The following VTI1A variants were observed in gnomAD, a reference collection of about 807,000 sequenced individuals.
The protein encoded by VTI1A is vesicle transport through interaction with t-SNAREs homolog 1A.
A neutral mutation model predicts 34.9 loss-of-function variants in VTI1A; 22 were observed. The ratio of observed to expected loss-of-function variants is 0.63; its 90% confidence interval spans 0.45 to 0.90. The LOEUF (loss-of-function observed/expected upper bound fraction) is 0.90, where lower values mean the gene tolerates loss of function less well. Ranked by LOEUF, VTI1A falls within the 40% of genes least tolerant of loss-of-function variation. VTI1A has a pLI of 0.00. For synonymous variants in VTI1A, 87 were observed against 97.3 expected (o/e 0.89, Z 0.62); for missense variants, 268 against 275.6 (o/e 0.97, Z 0.20).
At chr10:112,502,708 T>A (rs1849287225) in intron 3 of VTI1A, among the ~76,000 whole-genome samples, 1 of 152,220 alleles carries the variant, frequency 6.6e-6, no homozygotes, top group Non-Finnish European at 1.5e-5. Context: ...TAGTGTTGGC[T>A]CTAGCCACTG....
chr10:112,666,392 A>G (rs534595200), intron 5 of VTI1A, among the ~76,000 whole-genome samples: 1 of 152,272 alleles, frequency 6.6e-6, no homozygotes, highest in East Asian at 1.9e-4. Flanking sequence ...GCTTTTTCTG[A>G]TGTGCTTTGA....
chr10:112,518,583 CTCTCTCTATATA>C (rs756624408), intron 3 of VTI1A, among the ~76,000 whole-genome samples: 41 of 83,208 alleles, frequency 4.9e-4, no homozygotes, highest in Non-Finnish European at 7.0e-4. Flanking sequence ...CTCTCTCTCT[CTCTCTCTATATA>C]TATATATATA....
At chr10:112,561,067 CA>C (rs879766280) in intron 5 of VTI1A, among the ~76,000 whole-genome samples, 14 of 151,614 alleles carry the variant, frequency 9.2e-5, no homozygotes, top group East Asian at 3.9e-4. Flanking sequence ...GTGGTTCTCT[CA>C]AAAAAAATAT....
chr10:112,793,116 T>C (rs1436227392), intron 7 of VTI1A, among the ~76,000 whole-genome samples: 3 of 152,190 alleles, frequency 2.0e-5, no homozygotes, highest in Non-Finnish European at 4.4e-5. Flanking sequence ...GAAGCCAGTG[T>C]TATTTGATAT....
intron 7 of VTI1A, among the ~76,000 whole-genome samples, chr10:112,780,989 T>G (rs757376144): frequency 6.6e-6 from 1 of 152,172 alleles, no homozygotes; most frequent in Non-Finnish European, 1.5e-5. Flanking sequence ...TGACGAAGTC[T>G]CGCTCTGTTG....
At chr10:112,574,814 T>C (rs1288776579) in intron 5 of VTI1A, among the ~76,000 whole-genome samples, 2 of 152,360 alleles carry the variant, frequency 1.3e-5, no homozygotes, top group African/African-American at 4.8e-5. Flanking sequence ...GGTCTAATTA[T>C]GTGTTTACCC....
At chr10:112,577,313 A>G (rs1472554632) in intron 5 of VTI1A, among the ~76,000 whole-genome samples, 1 of 152,204 alleles carries the variant, frequency 6.6e-6, no homozygotes, top group Non-Finnish European at 1.5e-5. Flanking sequence ...TTTTCTATCA[A>G]CCAACTTTAA....
chr10:112,486,023 T>C (rs1396664687), intron 3 of VTI1A, among the ~76,000 whole-genome samples: 1 of 152,210 alleles, frequency 6.6e-6, no homozygotes, highest in Non-Finnish European at 1.5e-5. Flanking sequence ...ACAAAGTACT[T>C]TGGGTTAATA....
chr10:112,599,926 G>A (rs1342174705), intron 5 of VTI1A, among the ~76,000 whole-genome samples: 1 of 152,072 alleles, frequency 6.6e-6, no homozygotes, highest in Non-Finnish European at 1.5e-5. Flanking sequence ...TTCCAACTCC[G>A]GGCAACTCAG....
At chr10:112,657,767 A>G (rs900864806) in intron 5 of VTI1A, among the ~76,000 whole-genome samples, 1 of 152,134 alleles carries the variant, frequency 6.6e-6, no homozygotes, top group African/African-American at 2.4e-5. Context: ...AGACTTTATG[A>G]AAGTTAAAAA....
chr10:112,535,405 C>T (rs1850582709), intron 4 of VTI1A, among the ~76,000 whole-genome samples: 1 of 152,134 alleles, frequency 6.6e-6, no homozygotes. Context: ...ATGTTACCCC[C>T]ATGTTTCTTA....
At chr10:112,573,933 T>C (rs1428451579) in intron 5 of VTI1A, among the ~76,000 whole-genome samples, 3 of 152,212 alleles carry the variant, frequency 2.0e-5, no homozygotes, top group Admixed American at 2.0e-4. Flanking sequence ...GTACTTTGTC[T>C]TCCCCCAGAA....
At chr10:112,701,655 G>T (rs1849014839) in intron 7 of VTI1A, among the ~76,000 whole-genome samples, 1 of 152,168 alleles carries the variant, frequency 6.6e-6, no homozygotes, top group African/African-American at 2.4e-5. Context: ...AAAAGCAGAA[G>T]TTATGAAGTG....
At chr10:112,851,080 T>G in the VTI1A span, among the ~76,000 whole-genome samples, 1 of 152,240 alleles carries the variant, frequency 6.6e-6, no homozygotes, top group African/African-American at 2.4e-5. Flanking sequence ...GGCTTTAAGA[T>G]GAAGGCCTGC....
At chr10:112,633,263 A>G (rs540997683) in intron 5 of VTI1A, among the ~76,000 whole-genome samples, 23 of 152,310 alleles carry the variant, frequency 1.5e-4, no homozygotes, top group African/African-American at 5.1e-4. Context: ...GACTTACATA[A>G]TAATAGTAAG....
chr10:112,674,699 G>A (rs1381311624), intron 7 of VTI1A, among the ~76,000 whole-genome samples: 1 of 152,128 alleles, frequency 6.6e-6, no homozygotes, highest in African/African-American at 2.4e-5. Context: ...TTCTGTGAAG[G>A]AGGCATCACT....
At chr10:112,524,863 G>A (rs1241360254) in intron 3 of VTI1A, among the ~76,000 whole-genome samples, 1 of 152,088 alleles carries the variant, frequency 6.6e-6, no homozygotes, top group Non-Finnish European at 1.5e-5. Context: ...CCTGTTTAAA[G>A]GTTCTCATTT....
intron 5 of VTI1A, among the ~76,000 whole-genome samples, chr10:112,604,535 G>A (rs1374489490): frequency 6.6e-6 from 1 of 152,060 alleles, no homozygotes; most frequent in African/African-American, 2.4e-5. Context: ...GTTCTTTGGG[G>A]CTTTCATATA....
chr10:112,547,232 G>A (rs1301096627), intron 5 of VTI1A, among the ~76,000 whole-genome samples: 2 of 151,812 alleles, frequency 1.3e-5, no homozygotes, highest in African/African-American at 2.4e-5. Context: ...GTAAGCAAGC[G>A]GTGATTGTGC....
Sources: gnomAD v4.1 joint callset for allele counts (sites outside exome capture counted in the v4.1 genomes callset) on GRCh38, gnomAD v4.1.1 for gene constraint, MANE v1.5 for transcripts, NCBI Gene and HGNC (gene_info 2026-07-23, HGNC 2026-07-21) for gene names.